The following ACMSD variants were observed in gnomAD, a reference collection of about 807,000 sequenced individuals.
The protein encoded by ACMSD is aminocarboxymuconate semialdehyde decarboxylase.
In ACMSD, 37 loss-of-function variants were observed where a neutral mutation model predicts 45.9. The observed-to-expected ratio is 0.81, with a 90% CI of 0.62 to 1.06. The LOEUF (loss-of-function observed/expected upper bound fraction) is 1.06, where lower values mean the gene tolerates loss of function less well. Ranked by LOEUF, ACMSD falls within the 50% of genes least tolerant of loss-of-function variation. ACMSD has a pLI of 0.00. For synonymous variants in ACMSD, 138 were observed against 148.8 expected (o/e 0.93, Z 0.53); for missense variants, 434 against 420.9 (o/e 1.03, Z -0.27).
At position 134,863,515 on chromosome 2, in the gene ACMSD, C is replaced by T. The variant is rs758756240; in HGVS notation, c.370C>T (p.Leu124=). 1 of 1,614,248 alleles carries T rather than the reference C, an allele frequency of 6.2e-7. No individual in the cohort carries two copies. The highest frequency in any genetic ancestry group is 8.5e-7 in the Non-Finnish European group (1 of 1,180,046). ...LGTLPMQAPE[L]AVKEMERCVK... ...GACGTTGCCCATGCAGGCCCCTGAG[C>T]TGGCGGTCAAGGAGATGGAGCGCTG... is the stretch of plus-strand genomic sequence containing the variant. The change falls in exon 5 of 10, where the codon CTG becomes TTG. Residue 124 remains leucine (L), a synonymous_variant. Transcript: ENST00000356140.
intron 7 of ACMSD, among the ~76,000 whole-genome samples, chr2:134,871,335 AC>A (rs1377516942): frequency 6.6e-6 from 1 of 152,004 alleles, no homozygotes; most frequent in African/African-American, 2.4e-5. Flanking sequence ...ACCTCATGTA[AC>A]CTTAATTATC....
intron 6 of ACMSD, among the ~76,000 whole-genome samples, chr2:134,869,350 T>C (rs545456524): frequency 4.9e-4 from 75 of 152,032 alleles, no homozygotes; most frequent in Non-Finnish European, 9.6e-4. Context: ...GTAGCTGGGA[T>C]TACAAGTGCA....
chr2:134,887,974 T>C lies in ACMSD; in HGVS notation c.850-10367T>C, dbSNP rs1689557144. Among the ~76,000 whole-genome samples, 3 of 152,190 alleles carry C rather than the reference T, an allele frequency of 2.0e-5. No individual in the cohort carries two copies. In the South Asian group the frequency reaches 6.2e-4, roughly 32 times the overall value. On this transcript the variant is annotated intron_variant, in intron 8 of 9. Transcript: ENST00000356140. ...AACCTGGAAGCAGGCAAAAATTTCTTGGACAAGATGCAGAAAGCAATAAAA... is the reference window on the plus strand; with the variant it reads ...AACCTGGAAGCAGGCAAAAATTTCTCGGACAAGATGCAGAAAGCAATAAAA...
At chr2:134,875,506 C>A (rs1688689623) in intron 8 of ACMSD, among the ~76,000 whole-genome samples, 1 of 152,148 alleles carries the variant, frequency 6.6e-6, no homozygotes. Flanking sequence ...ATTTAAATGG[C>A]ATAATCTCTT....
At chr2:134,861,800 T>A (rs989238489) in intron 3 of ACMSD, among the ~76,000 whole-genome samples, 169 bp from the exon 4 acceptor site, 1 of 151,442 alleles carries the variant, frequency 6.6e-6, no homozygotes, top group African/African-American at 2.4e-5. Context: ...TTCCCTAGAA[T>A]CTGGGGCTGG....
chr2:134,845,508 G>GTT (rs1339823151), intron 2 of ACMSD, among the ~76,000 whole-genome samples: 23 of 81,016 alleles, frequency 2.8e-4, no homozygotes, highest in South Asian at 9.2e-4. Flanking sequence ...CACATTAAAA[G>GTT]GTCTCTCTCT....
chr2:134,849,883 A>T (rs919736400), intron 2 of ACMSD, among the ~76,000 whole-genome samples: 12 of 151,998 alleles, frequency 7.9e-5, no homozygotes, highest in African/African-American at 2.9e-4. Context: ...CCAACCCAGG[A>T]GGGTAGACAC....
intron 3 of ACMSD, 152 bp from the exon 4 acceptor site, chr2:134,861,817 A>AG (rs141458425): frequency 0.037 from 27,908 of 762,214 alleles, 898 homozygotes; most frequent in African/African-American, 0.13. Context: ...CTGGGGGCTG[A>AG]GGGGGGTCCA....
intron 6 of ACMSD, among the ~76,000 whole-genome samples, 164 bp from the exon 7 acceptor site, chr2:134,870,801 T>C (rs1345730238): frequency 1.3e-5 from 2 of 152,178 alleles, no homozygotes; most frequent in Non-Finnish European, 2.9e-5. Context: ...AAGTTTCACG[T>C]GGTTCTCCTT....
chr2:134,886,933 T>C (rs1489480121), intron 8 of ACMSD, among the ~76,000 whole-genome samples: 3 of 152,254 alleles, frequency 2.0e-5, no homozygotes, highest in Non-Finnish European at 4.4e-5. Flanking sequence ...AAATCAGTTG[T>C]ATTTTTATAT....
intron 1 of ACMSD, among the ~76,000 whole-genome samples, chr2:134,840,194 C>CAAA (rs1300580743): frequency 1.0e-4 from 7 of 68,738 alleles, no homozygotes; most frequent in African/African-American, 3.6e-4. Flanking sequence ...AAAAAAAAAA[C>CAAA]CACTAATTCC....
chr2:134,884,030 C>G (rs1366959682), intron 8 of ACMSD, among the ~76,000 whole-genome samples: 1 of 152,120 alleles, frequency 6.6e-6, no homozygotes, highest in Non-Finnish European at 1.5e-5. Context: ...ACTGACAAGT[C>G]AGAAATGGTC....
rs570386288 is a variant in ACMSD at position 134,871,582 on chromosome 2, C to A, written c.676+522C>A. On this transcript the variant is annotated intron_variant, in intron 7 of 9. Transcript: ENST00000356140. Reference sequence around the variant, plus strand: ...CATGAGCTCTCCAGTCTACAATAGTCCCCACTATTCTTCATTGTTTACAAA... The same window carrying A: ...CATGAGCTCTCCAGTCTACAATAGTACCCACTATTCTTCATTGTTTACAAA... Among the ~76,000 whole-genome samples, 5 of 149,480 alleles carry A rather than the reference C, an allele frequency of 3.3e-5. No homozygotes were observed. In the East Asian group the frequency reaches 9.9e-4, roughly 30 times the overall value.
At chr2:134,892,082 G>A (rs1689819348) in intron 8 of ACMSD, among the ~76,000 whole-genome samples, 1 of 152,106 alleles carries the variant, frequency 6.6e-6, no homozygotes, top group Non-Finnish European at 1.5e-5. Context: ...TTGGAAGGGT[G>A]GGAGGGTGGA....
chr2:134,866,608 T>C (rs368000616), intron 5 of ACMSD, among the ~76,000 whole-genome samples: 1 of 152,220 alleles, frequency 6.6e-6, no homozygotes, highest in Non-Finnish European at 1.5e-5. Flanking sequence ...AAAATGCTTA[T>C]GTACACAAGT....
At position 134,863,638 on chromosome 2, in the gene ACMSD, A is replaced by AG; in HGVS notation, c.486+8dup. ...GCTCTTTCCTGTCTATGCGGTGAGTAGCGGGGCTGCTCAGCCAACGCCAGC... is the reference window on the plus strand; with the variant it reads ...GCTCTTTCCTGTCTATGCGGTGAGTAGGCGGGGCTGCTCAGCCAACGCCAGC... On this transcript the variant is annotated splice_region_variant and intron_variant, in intron 5 of 9. Coordinates refer to ENST00000356140, the MANE Select transcript of ACMSD (RefSeq NM_138326.3). The AG allele has an allele frequency of 6.2e-7, 1 of 1,613,530 alleles. No homozygotes were observed. Among genetic ancestry groups the AG allele is most frequent in the Non-Finnish European group, 8.5e-7 (1 of 1,179,840 alleles).
intron 2 of ACMSD, among the ~76,000 whole-genome samples, chr2:134,850,991 C>T (rs1472669765): frequency 1.3e-5 from 2 of 152,162 alleles, no homozygotes; most frequent in African/African-American, 4.8e-5. Flanking sequence ...CTGTTGCCAT[C>T]CTTATATCCA....
At chr2:134,876,847 T>C (rs1688761081) in intron 8 of ACMSD, among the ~76,000 whole-genome samples, 1 of 152,164 alleles carries the variant, frequency 6.6e-6, no homozygotes, top group African/African-American at 2.4e-5. Flanking sequence ...AGTGGCATGA[T>C]CTCAGCTCAC....
chr2:134,897,574 T>G (rs1690234635), intron 8 of ACMSD, among the ~76,000 whole-genome samples: 1 of 152,144 alleles, frequency 6.6e-6, no homozygotes, highest in Non-Finnish European at 1.5e-5. Context: ...TGGTTTGAAT[T>G]TTTATTTTAT....
Sources: gnomAD v4.1 joint callset for allele counts (sites outside exome capture counted in the v4.1 genomes callset) on GRCh38, gnomAD v4.1.1 for gene constraint, MANE v1.5 for transcripts, NCBI Gene and HGNC (gene_info 2026-07-23, HGNC 2026-07-21) for gene names.